SCN7A: variants seen among roughly 807,000 people sequenced by gnomAD.
The protein encoded by SCN7A is sodium channel protein type 7 subunit alpha.
Under a neutral mutation model 155.2 loss-of-function variants are expected in SCN7A, and 138 were observed. The observed-to-expected ratio is 0.89, with a 90% CI of 0.77 to 1.02. The LOEUF (loss-of-function observed/expected upper bound fraction) is 1.02, where lower values mean the gene tolerates loss of function less well. Ranked by LOEUF, SCN7A falls within the 50% of genes least tolerant of loss-of-function variation. SCN7A has a pLI of 0.00. For synonymous variants in SCN7A, 693 were observed against 649.0 expected, an observed-to-expected ratio of 1.07 and a Z score of -1.03; for missense variants, 2,058 against 1,986.6, an observed-to-expected ratio of 1.04 and a Z score of -0.68.
chr2:166,481,836 T>C (rs1346120234), intron 2 of SCN7A, among the ~76,000 whole-genome samples: 2 of 152,184 alleles, frequency 1.3e-5, no homozygotes, highest in African/African-American at 4.8e-5. Flanking sequence ...ATGGTTCTAA[T>C]GTGGAAGAGA....
intron 12 of SCN7A, among the ~76,000 whole-genome samples, chr2:166,445,668 G>A (rs1702047937): frequency 6.6e-6 from 1 of 151,834 alleles, no homozygotes; most frequent in South Asian, 2.1e-4. Flanking sequence ...TAATCATCTC[G>A]GTGTGAGACA....
At position 166,432,739 on chromosome 2, in the gene SCN7A, A is replaced by C. The variant is rs1167561044; in HGVS notation, c.2171T>G (p.Phe724Cys). 20 of 1,540,586 alleles carry C rather than the reference A, an allele frequency of 1.3e-5. No individual in the cohort carries two copies. The highest frequency in any genetic ancestry group is 1.7e-5 in the Non-Finnish European group (20 of 1,149,800). The change falls in exon 16 of 26, where the codon TTT becomes TGT. Residue 724 changes from phenylalanine to cysteine, a missense_variant. Transcript: ENST00000643258. ...LIGNLLVLYL[F>C]LALVSSFSSC... ...ACTAAATGAGCTCACCAATGCCAGAAACAGGTAAAGTACCTAAATAAGGAA... is the reference window on the plus strand; with the variant it reads ...ACTAAATGAGCTCACCAATGCCAGACACAGGTAAAGTACCTAAATAAGGAA...
intron 1 of SCN7A, among the ~76,000 whole-genome samples, chr2:166,493,278 T>C (rs1003882678): frequency 6.6e-6 from 1 of 152,212 alleles, no homozygotes; most frequent in Non-Finnish European, 1.5e-5. Flanking sequence ...AAGGGGCCCA[T>C]CGGTGTGTCA....
At chr2:166,413,369 A>T (rs1308371143) in intron 21 of SCN7A, among the ~76,000 whole-genome samples, 1 of 152,126 alleles carries the variant, frequency 6.6e-6, no homozygotes, top group Non-Finnish European at 1.5e-5. Context: ...ATAGAGAAAC[A>T]GATATATAAA....
At chr2:166,434,211 A>G (rs1701791813) in intron 15 of SCN7A, among the ~76,000 whole-genome samples, 1 of 152,162 alleles carries the variant, frequency 6.6e-6, no homozygotes, top group Non-Finnish European at 1.5e-5. Context: ...CTAATGGGTT[A>G]CATTTACTTC....
At position 166,486,937 on chromosome 2, in the gene SCN7A, C is replaced by G. The variant is rs1376251655; in HGVS notation, c.-96G>C. On this transcript the variant is annotated 5_prime_UTR_variant, in exon 2 of 26. Coordinates refer to ENST00000643258, the MANE Select transcript of SCN7A (RefSeq NM_002976.4). ...CTAGTTTTCCCTCAGCTCTAATGAC[C>G]TGGCCATGTTGGCATTCACATGGTG... 6.6e-6 allele frequency: 1 copy of G among 152,206 alleles called. No individual in the cohort carries two copies. The highest frequency in any genetic ancestry group is 6.5e-5 in the Admixed American group (1 of 15,284). The allele number at this position is 152,206 out of a possible 1,614,324, so 9.4% of individuals were successfully genotyped here. A position where few individuals can be genotyped will look rare whatever the true frequency, so the allele number is the denominator to read the frequency against.
intron 2 of SCN7A, 81 bp downstream of exon 2, chr2:166,486,775 A>G (rs2293568): frequency 0.14 from 21,464 of 152,250 alleles, 1,565 homozygotes; most frequent in East Asian, 0.22. Context: ...ACACATCATT[A>G]CATTTTCTTG....
intron 10 of SCN7A, chr2:166,462,130 ACT>A (rs1301724265): frequency 2.4e-5 from 6 of 247,254 alleles, no homozygotes; most frequent in East Asian, 1.5e-4. Context: ...AAATACACAC[ACT>A]CTCTTCTCTC....
Position 166,410,254 on chromosome 2 carries a change from T to C in SCN7A, c.3677A>G (p.Tyr1226Cys), listed in dbSNP as rs1317824537. 5 of 1,555,966 alleles carry C rather than the reference T, an allele frequency of 3.2e-6. No homozygotes were observed. Among genetic ancestry groups the C allele is most frequent in the African/African-American group, 2.7e-5 (2 of 73,378 alleles). The change falls in exon 24 of 26, where the codon TAT (tyrosine) becomes TGT (cysteine). Residue 1226 changes from tyrosine to cysteine, a missense_variant. Transcript: ENST00000643258. ...AGGTACTGGTCTTTGAGAATCCTCA[T>C]ACATTAGCTTCTTCAGCCTGCGGTA... ...KQYRRLKKLMYEDSQRPVPRP... is the reference protein window; with the variant it reads ...KQYRRLKKLMCEDSQRPVPRP...
intron 9 of SCN7A, 100 bp from the exon 10 acceptor site, chr2:166,462,630 C>G (rs2105478299): frequency 1.9e-6 from 2 of 1,052,100 alleles, no homozygotes; most frequent in East Asian, 2.5e-5. Flanking sequence ...ATAGAGAACT[C>G]ACGCTTCCAC....
intron 15 of SCN7A, among the ~76,000 whole-genome samples, chr2:166,434,403 G>A (rs1701796642): frequency 6.6e-6 from 1 of 152,120 alleles, no homozygotes; most frequent in African/African-American, 2.4e-5. Context: ...TTGTGGGTGA[G>A]AGCATCTGAA....
At chr2:166,434,063 T>C (rs1401753214) in intron 15 of SCN7A, among the ~76,000 whole-genome samples, 7 of 152,184 alleles carry the variant, frequency 4.6e-5, no homozygotes, top group Non-Finnish European at 1.0e-4. Flanking sequence ...AAAATAAGTA[T>C]GTGAGCATCT....
At chr2:166,462,587 C>A in intron 9 of SCN7A, 57 bp from the exon 10 acceptor site, 3 of 1,532,946 alleles carry the variant, frequency 2.0e-6, no homozygotes, top group South Asian at 2.3e-5. Context: ...AGATTATGGT[C>A]AAATCATAAA....
rs35213258 is a variant in SCN7A at position 166,444,828 on chromosome 2, A to G, written c.1560T>C (p.Cys520=). Residue 520 remains cysteine, a synonymous_variant, in exon 13 of 26, where the codon TGT becomes TGC. Coordinates refer to ENST00000643258, the MANE Select transcript of SCN7A (RefSeq NM_002976.4). The stretch of plus-strand genomic sequence containing the variant: ...TTGGATAATGCTCCAAGGTCAGAAA[A>G]CATACGTTTAAAATTATGCATATGA... ...FLIICIILNV[C]FLTLEHYPMS... 63,028 of 1,609,926 alleles carry G rather than the reference A, an allele frequency of 0.039. 1,389 individuals are homozygous for G. The highest frequency in any genetic ancestry group is 0.043 in the Non-Finnish European group (50,848 of 1,177,356).
intron 24 of SCN7A, 85 bp downstream of exon 24, chr2:166,410,135 G>T: frequency 8.3e-7 from 1 of 1,198,546 alleles, no homozygotes; most frequent in South Asian, 1.6e-5. Flanking sequence ...CAAAAATTTT[G>T]ACAAAAACAT....
At chr2:166,414,397 C>T (rs1419198808) in intron 21 of SCN7A, 1 of 131,426 alleles carries the variant, frequency 7.6e-6, no homozygotes, top group South Asian at 2.3e-4. Flanking sequence ...ACTATTTTTA[C>T]CACCACTGAT....
intron 25 of SCN7A, among the ~76,000 whole-genome samples, chr2:166,408,705 G>A (rs1210802765): frequency 2.0e-5 from 3 of 151,802 alleles, no homozygotes; most frequent in Non-Finnish European, 4.4e-5. Context: ...CTGAATGAGT[G>A]AATATTTGGA....
In SCN7A at chr2:166,482,318, A is replaced by C. The variant is rs145450804; in HGVS notation, c.-15+4538T>G. Among the ~76,000 whole-genome samples the C allele has an allele frequency of 1.2e-4, 18 of 152,266 alleles. 1 individual carries two copies. Among genetic ancestry groups the C allele is most frequent in the African/African-American group, 4.3e-4 (18 of 41,576 alleles). On this transcript the variant is annotated intron_variant, in intron 2 of 25. Coordinates refer to ENST00000643258, the MANE Select transcript of SCN7A (RefSeq NM_002976.4). ...AACTTCTTGCATGGATGCTGCCATCAATGAAAATGGTTTAAACACCTTCCA... is the reference window on the plus strand; with the variant it reads ...AACTTCTTGCATGGATGCTGCCATCCATGAAAATGGTTTAAACACCTTCCA...
At chr2:166,482,995 A>G (rs1316072763) in intron 2 of SCN7A, among the ~76,000 whole-genome samples, 1 of 152,084 alleles carries the variant, frequency 6.6e-6, no homozygotes, top group Non-Finnish European at 1.5e-5. Flanking sequence ...CATCCATTAG[A>G]CTTCTTTCTG....
Sources: allele counts gnomAD v4.1 joint callset (sites outside exome capture counted in the v4.1 genomes callset), GRCh38; gene constraint gnomAD v4.1.1; transcripts MANE v1.5; gene names NCBI Gene and HGNC (gene_info 2026-07-23, HGNC 2026-07-21).